Variants in GHR observed in about 807,000 individuals in gnomAD.
GHR encodes GH receptor.
Under a neutral mutation model 67.1 loss-of-function variants are expected in GHR, and 35 were observed. The observed-to-expected ratio is 0.52, with a 90% confidence interval of 0.40 to 0.69. The LOEUF is 0.69. Among genes scored for constraint, GHR ranks in the 30% least tolerant of loss-of-function variants. The pLI is 0.00. For synonymous variants in GHR, 272 were observed against 269.1 expected (o/e 1.01, Z -0.10); for missense variants, 792 against 764.6 (o/e 1.04, Z -0.42).
At chr5:42,595,670 T>C (rs1298649917) in intron 2 of GHR, among the ~76,000 whole-genome samples, 1 of 152,264 alleles carries the variant, frequency 6.6e-6, no homozygotes, top group Non-Finnish European at 1.5e-5. Flanking sequence ...GTGGGACTGC[T>C]TGAGTACCTG....
intron 1 of GHR, among the ~76,000 whole-genome samples, chr5:42,439,107 A>G (rs1012915603): frequency 6.6e-6 from 1 of 152,244 alleles, no homozygotes; most frequent in Non-Finnish European, 1.5e-5. Context: ...TTAATGTCCA[A>G]AAAACATCAT....
At chr5:42,565,445 G>GT in intron 1 of GHR, 1 of 984,506 alleles carries the variant, frequency 1.0e-6, no homozygotes, top group Non-Finnish European at 1.2e-6. Flanking sequence ...TGATTGTTAT[G>GT]TTTTTCCTTT....
chr5:42,428,049 C>G (rs144476062), intron 1 of GHR, among the ~76,000 whole-genome samples: 2 of 152,326 alleles, frequency 1.3e-5, no homozygotes, highest in East Asian at 3.9e-4. Context: ...ACTGGGGACT[C>G]TGTGTAGAGG....
chr5:42,469,322 G>A (rs1003264532), intron 1 of GHR, among the ~76,000 whole-genome samples: 1 of 152,158 alleles, frequency 6.6e-6, no homozygotes, highest in South Asian at 2.1e-4. Flanking sequence ...GTGTAGTGGT[G>A]GGGTGGATCA....
chr5:42,503,711 G>A (rs1395513453), intron 1 of GHR, among the ~76,000 whole-genome samples: 1 of 152,134 alleles, frequency 6.6e-6, no homozygotes, highest in South Asian at 2.1e-4. Context: ...ACAAAATAGG[G>A]TAAGGGGCTA....
intron 1 of GHR, among the ~76,000 whole-genome samples, chr5:42,517,687 T>A (rs1747298880): frequency 1.3e-5 from 2 of 152,190 alleles, no homozygotes; most frequent in Admixed American, 6.5e-5. Flanking sequence ...TTAAAATAAA[T>A]TTCTAAATCT....
chr5:42,670,810 A>G (rs1289920915), intron 3 of GHR, among the ~76,000 whole-genome samples: 1 of 151,062 alleles, frequency 6.6e-6, no homozygotes, highest in Non-Finnish European at 1.5e-5. Context: ...CAAGGTGCAC[A>G]TGTACCCTAA....
intron 1 of GHR, among the ~76,000 whole-genome samples, chr5:42,425,698 C>T (rs1421105343): frequency 6.6e-6 from 1 of 152,182 alleles, no homozygotes; most frequent in Non-Finnish European, 1.5e-5. Context: ...GGCCTAAAGA[C>T]CTTTGGAAGA....
intron 2 of GHR, among the ~76,000 whole-genome samples, chr5:42,606,734 C>T (rs1234953346): frequency 6.6e-6 from 1 of 152,128 alleles, no homozygotes; most frequent in Non-Finnish European, 1.5e-5. Flanking sequence ...CAGTTTTAGA[C>T]TATGTAGAAC....
At chr5:42,580,127 TTA>T (rs921579406) in intron 2 of GHR, among the ~76,000 whole-genome samples, 10 of 152,140 alleles carry the variant, frequency 6.6e-5, no homozygotes, top group Non-Finnish European at 1.5e-4. Flanking sequence ...GTGAACATAT[TTA>T]TGTCTTATAT....
chr5:42,672,777 A>G (rs1230657595), intron 3 of GHR, among the ~76,000 whole-genome samples: 2 of 152,320 alleles, frequency 1.3e-5, no homozygotes, highest in East Asian at 3.9e-4. Flanking sequence ...ACAAACTATA[A>G]GAATGTAATA....
intron 1 of GHR, among the ~76,000 whole-genome samples, chr5:42,493,962 G>A (rs1313564101): frequency 5.9e-5 from 9 of 152,130 alleles, no homozygotes; most frequent in Non-Finnish European, 1.3e-4. Flanking sequence ...CTGGCATTGA[G>A]CTCTTGGAGG....
chr5:42,624,945 A>C (rs925297097), intron 2 of GHR, among the ~76,000 whole-genome samples: 1 of 152,238 alleles, frequency 6.6e-6, no homozygotes, highest in African/African-American at 2.4e-5. Context: ...CCGCCACTTT[A>C]AAATCAAGGT....
At chr5:42,658,381 C>T (rs1755372845) in intron 3 of GHR, among the ~76,000 whole-genome samples, 1 of 152,136 alleles carries the variant, frequency 6.6e-6, no homozygotes, top group East Asian at 1.9e-4. Flanking sequence ...GTTAAGTTTC[C>T]TTCTCTGTAA....
intron 3 of GHR, among the ~76,000 whole-genome samples, chr5:42,675,337 G>T (rs1437444796): frequency 6.6e-6 from 1 of 152,170 alleles, no homozygotes; most frequent in African/African-American, 2.4e-5. Context: ...TCTATCCAGA[G>T]AAAAGATCAC....
chr5:42,721,007 C>T lies in GHR; in HGVS notation c.*1583C>T, dbSNP rs1758996055. On this transcript the variant is annotated 3_prime_UTR_variant, in exon 10 of 10. Transcript: ENST00000230882. ...GCGCGATCTTGACTCACTGCAATCT[C>T]CACCTCCCACAGGTTCAGGCGATTC... 1 of 152,264 alleles carries T rather than the reference C, an allele frequency of 6.6e-6. No individual in the cohort carries two copies. 9.4% of individuals were successfully genotyped at this position (152,264 alleles called of 1,614,324 possible). A position where few individuals can be genotyped will look rare whatever the true frequency, so the allele number is the denominator to read the frequency against.
chr5:42,629,105 T>C lies in GHR; in HGVS notation c.136+2T>C. 4 of 1,311,884 alleles carry C rather than the reference T, an allele frequency of 3.0e-6. No individual in the cohort carries two copies. The highest frequency in any genetic ancestry group is 4.3e-6 in the Non-Finnish European group (4 of 934,984). The allele number at this position is 1,311,884 out of a possible 1,614,324, so 81.3% of individuals were successfully genotyped here. On this transcript the variant is annotated splice_donor_variant, in intron 3 of 9. Coordinates refer to ENST00000230882, the MANE Select transcript of GHR (RefSeq NM_000163.5). LOFTEE classifies it high-confidence loss of function. ...GTGTTAATCCAGGCCTAAAGACAAG[T>C]AAGAATTTCAGTCCTTTTTCTTCCT...
chr5:42,534,974 G>A (rs1377316812), intron 1 of GHR, among the ~76,000 whole-genome samples: 1 of 151,186 alleles, frequency 6.6e-6, no homozygotes, highest in African/African-American at 2.4e-5. Context: ...TTTGAGAATT[G>A]CCTTAGCCCA....
At position 42,700,794 on chromosome 5, in the gene GHR, A is replaced by G. The variant is rs1011727375; in HGVS notation, c.618+792A>G. ...AGAATTTTGAGACACCAGGACATTC[A>G]GTGAGCCACTGAAAAAGATGCCAAT... On this transcript the variant is annotated intron_variant, in intron 6 of 9. Coordinates refer to ENST00000230882, the MANE Select transcript of GHR (RefSeq NM_000163.5). Among the ~76,000 whole-genome samples the G allele has an allele frequency of 6.6e-6, 1 of 152,194 alleles. No individual in the cohort carries two copies. The highest frequency in any genetic ancestry group is 2.1e-4 in the South Asian group (1 of 4,830).
Sources: gnomAD v4.1 joint callset for allele counts (sites outside exome capture counted in the v4.1 genomes callset) on GRCh38, gnomAD v4.1.1 for gene constraint, MANE v1.5 for transcripts, NCBI Gene and HGNC (gene_info 2026-07-23, HGNC 2026-07-21) for gene names.